GRIA1: variants seen among roughly 807,000 people sequenced by gnomAD.
GRIA1 encodes the protein glutamate receptor 1.
GRIA1 carries 31 observed loss-of-function variants against 99.2 expected under a neutral mutation model. That is an observed-to-expected ratio of 0.31 (90% CI 0.23 to 0.42). GRIA1 has a LOEUF of 0.42. GRIA1 is among the 10% of genes least tolerant of loss of function. The probability of loss-of-function intolerance (pLI) is 1.00; values close to 1 mark genes in which losing one functional copy is unlikely to be tolerated. For missense variants in GRIA1, 782 were observed against 1,157.5 expected (o/e 0.68, Z 4.71); for synonymous variants, 438 against 432.4 (o/e 1.01, Z -0.16).
intron 5 of GRIA1, among the ~76,000 whole-genome samples, chr5:153,656,409 A>ATATATATATATG (rs1460380948): frequency 1.4e-5 from 2 of 145,952 alleles, no homozygotes; most frequent in African/African-American, 5.0e-5. Context: ...ATATATATAT[A>ATATATATATATG]TATATTTGTT....
chr5:153,700,107 G>C (rs752963847), intron 10 of GRIA1, among the ~76,000 whole-genome samples: 1 of 152,176 alleles, frequency 6.6e-6, no homozygotes, highest in African/African-American at 2.4e-5. Flanking sequence ...CCGAGAGGCC[G>C]GGCACAGTGG....
intron 2 of GRIA1, among the ~76,000 whole-genome samples, chr5:153,503,583 T>C (rs1011543879): frequency 3.3e-5 from 5 of 152,248 alleles, no homozygotes; most frequent in African/African-American, 1.2e-4. Context: ...AATGAATCTA[T>C]TTTATGGATA....
intron 2 of GRIA1, among the ~76,000 whole-genome samples, chr5:153,570,676 C>A (rs1431314188): frequency 6.6e-6 from 1 of 152,076 alleles, no homozygotes; most frequent in East Asian, 1.9e-4. Context: ...ACCTCTGGCG[C>A]CTTATCTTCT....
At chr5:153,664,193 T>A (rs1755581446) in intron 5 of GRIA1, among the ~76,000 whole-genome samples, 1 of 151,676 alleles carries the variant, frequency 6.6e-6, no homozygotes, top group African/African-American at 2.4e-5. Flanking sequence ...GACACAGGAT[T>A]TTAGGTAAAT....
intron 13 of GRIA1, among the ~76,000 whole-genome samples, chr5:153,775,432 A>G (rs907988805): frequency 9.9e-5 from 15 of 152,106 alleles, no homozygotes; most frequent in African/African-American, 1.4e-4. Flanking sequence ...TGATCATGAC[A>G]TGTTTGTCTT....
At chr5:153,567,373 G>A (rs1248324391) in intron 2 of GRIA1, among the ~76,000 whole-genome samples, 2 of 152,188 alleles carry the variant, frequency 1.3e-5, no homozygotes, top group Non-Finnish European at 2.9e-5. Flanking sequence ...ATTTTTATGA[G>A]GCGTGTGTCC....
At chr5:153,530,766 G>T (rs889700622) in intron 2 of GRIA1, among the ~76,000 whole-genome samples, 3 of 152,204 alleles carry the variant, frequency 2.0e-5, no homozygotes, top group African/African-American at 7.2e-5. Flanking sequence ...AAAGCTCACT[G>T]CACAGGTGAT....
At chr5:153,794,957 CCCCAGCA>C (rs1014983246) in intron 14 of GRIA1, among the ~76,000 whole-genome samples, 2 of 152,212 alleles carry the variant, frequency 1.3e-5, no homozygotes, top group Non-Finnish European at 2.9e-5. Flanking sequence ...GTCCCCAGGA[CCCCAGCA>C]TCTGCTCTGG....
intron 12 of GRIA1, among the ~76,000 whole-genome samples, chr5:153,769,146 G>A (rs1489582256): frequency 6.6e-6 from 1 of 152,188 alleles, no homozygotes; most frequent in Non-Finnish European, 1.5e-5. Flanking sequence ...CATCCAGTGA[G>A]TGCCCCAGGC....
chr5:153,498,748 G>T (rs1754682264), intron 2 of GRIA1, among the ~76,000 whole-genome samples: 2 of 151,894 alleles, frequency 1.3e-5, no homozygotes, highest in Admixed American at 1.3e-4. Context: ...AAAAAACTTA[G>T]GGCATTAAGC....
intron 2 of GRIA1, among the ~76,000 whole-genome samples, chr5:153,506,798 TC>T: frequency 6.6e-6 from 1 of 152,316 alleles, no homozygotes; most frequent in Middle Eastern, 3.4e-3. Flanking sequence ...ACTTACTAGC[TC>T]TTCTTCCTTA....
chr5:153,794,818 T>A, intron 14 of GRIA1, 83 bp downstream of exon 14: 1 of 775,914 alleles, frequency 1.3e-6, no homozygotes, highest in South Asian at 1.6e-5. Flanking sequence ...CCAATACCTA[T>A]CCTGCTTCCT....
intron 6 of GRIA1, among the ~76,000 whole-genome samples, chr5:153,675,040 T>C (rs1276557819): frequency 6.6e-6 from 1 of 152,152 alleles, no homozygotes; most frequent in African/African-American, 2.4e-5. Context: ...CTCAGCATTC[T>C]ACCCAGTAGG....
At chr5:153,679,376 A>G (rs933172971) in intron 7 of GRIA1, among the ~76,000 whole-genome samples, 1 of 152,262 alleles carries the variant, frequency 6.6e-6, no homozygotes, top group African/African-American at 2.4e-5. Flanking sequence ...TTAAGCACCT[A>G]GAATGAAAAA....
rs148868357 is a variant in GRIA1, at chr5:153,623,045, C to T, written c.221-23883C>T. ...GATAACTATACTCTAGATCACACAG[C>T]AAGTAAGTGATAGTGTTGGGATTTG... On this transcript the variant is annotated intron_variant, in intron 2 of 15. Transcript: ENST00000285900. Among the ~76,000 whole-genome samples the T allele has an allele frequency of 5.0e-3, 755 of 152,260 alleles. 5 individuals carry two copies. The highest frequency in any genetic ancestry group is 0.017 in the African/African-American group (707 of 41,550).
chr5:153,680,724 G>A (rs1281604461), intron 7 of GRIA1, among the ~76,000 whole-genome samples: 5 of 152,198 alleles, frequency 3.3e-5, no homozygotes, highest in Admixed American at 6.5e-5. Flanking sequence ...GTGGGCAATG[G>A]AGTTTAAGAC....
intron 2 of GRIA1, among the ~76,000 whole-genome samples, chr5:153,621,901 T>C (rs527293448): frequency 6.6e-6 from 1 of 152,348 alleles, no homozygotes; most frequent in East Asian, 1.9e-4. Flanking sequence ...CTGATATTTA[T>C]GCATAAATTT....
At position 153,698,045 on chromosome 5, in the gene GRIA1, T is replaced by G; in HGVS notation, c.1136T>G (p.Ile379Ser). ...IEMKHDGIRK[I>S]GYWNEDDKFV... ...CCTCCACTCTCTTCTCATTAACAGA[T>G]TGGTTACTGGAATGAAGATGATAAG... The change falls in exon 9 of 16, where the codon ATT (isoleucine) becomes AGT (serine). Residue 379 changes from isoleucine to serine, a missense_variant and splice_region_variant. By Grantham distance (142) the Ile-to-Ser change is moderately radical (BLOSUM62 -2). Coordinates refer to ENST00000285900, the MANE Select transcript of GRIA1 (RefSeq NM_000827.4). The G allele has an allele frequency of 6.4e-7, 1 of 1,569,086 alleles. No homozygotes were observed. Among genetic ancestry groups the G allele is most frequent in the Non-Finnish European group, 8.8e-7 (1 of 1,139,280 alleles).
chr5:153,678,134 C>T (rs1756722993), intron 7 of GRIA1, among the ~76,000 whole-genome samples: 1 of 152,202 alleles, frequency 6.6e-6, no homozygotes, highest in African/African-American at 2.4e-5. Context: ...CTGCCTAAGA[C>T]CAGCTTTACT....
Sources: allele counts gnomAD v4.1 joint callset (sites outside exome capture counted in the v4.1 genomes callset), GRCh38; gene constraint gnomAD v4.1.1; transcripts MANE v1.5; gene names NCBI Gene and HGNC (gene_info 2026-07-23, HGNC 2026-07-21).